CDH13: variants seen among roughly 807,000 people sequenced by gnomAD.
The protein encoded by CDH13 is cadherin 13, also known as cadherin-13.
In CDH13, 24 loss-of-function variants were observed where a neutral mutation model predicts 63.8. That is an observed-to-expected ratio of 0.38 (90% CI 0.27 to 0.53). The LOEUF (loss-of-function observed/expected upper bound fraction) is 0.53, where lower values mean the gene tolerates loss of function less well. Ranked by LOEUF, CDH13 falls within the 20% of genes least tolerant of loss-of-function variation. The pLI, the probability that CDH13 is intolerant of heterozygous loss-of-function variation, is 0.85. For missense variants in CDH13, 1,049 were observed against 903.1 expected, an observed-to-expected ratio of 1.16 and a Z score of -2.07; for synonymous variants, 503 against 355.3, an observed-to-expected ratio of 1.42 and a Z score of -4.67.
chr16:82,973,267 C>T (rs192527531), intron 2 of CDH13, among the ~76,000 whole-genome samples: 88 of 152,342 alleles, frequency 5.8e-4, no homozygotes, highest in Non-Finnish European at 9.4e-4. Context: ...GATGCTCAGA[C>T]GGTCTGCATC....
At chr16:83,266,833 G>T (rs1179939895) in intron 5 of CDH13, among the ~76,000 whole-genome samples, 1 of 152,098 alleles carries the variant, frequency 6.6e-6, no homozygotes, top group African/African-American at 2.4e-5. Context: ...TCTTGGTGAG[G>T]TCCACACTCT....
chr16:82,932,901 G>A (rs1202625493), intron 2 of CDH13, among the ~76,000 whole-genome samples: 2 of 152,206 alleles, frequency 1.3e-5, no homozygotes, highest in African/African-American at 2.4e-5. Flanking sequence ...AGTAGAGAAT[G>A]AAGTTTACTA....
chr16:83,284,996 G>C (rs1567563679), intron 5 of CDH13, among the ~76,000 whole-genome samples: 1 of 152,086 alleles, frequency 6.6e-6, no homozygotes, highest in Non-Finnish European at 1.5e-5. Context: ...CACTCTCCCT[G>C]CACAAATGTT....
intron 7 of CDH13, among the ~76,000 whole-genome samples, chr16:83,583,300 G>T (rs913058250): frequency 6.6e-6 from 1 of 152,174 alleles, no homozygotes; most frequent in East Asian, 1.9e-4. Context: ...GATCACATTC[G>T]CAGGTACTGG....
At chr16:83,687,756 G>C (rs1004018261) in intron 10 of CDH13, among the ~76,000 whole-genome samples, 1 of 152,212 alleles carries the variant, frequency 6.6e-6, no homozygotes, top group African/African-American at 2.4e-5. Flanking sequence ...AGGATGTGCA[G>C]GTCTCTCACA....
chr16:82,884,881 A>T (rs1298552313), intron 2 of CDH13, among the ~76,000 whole-genome samples: 1 of 152,206 alleles, frequency 6.6e-6, no homozygotes. Flanking sequence ...GGGAAAATCT[A>T]AAGTTGCGTC....
At chr16:82,919,232 G>C (rs1643173904) in intron 2 of CDH13, among the ~76,000 whole-genome samples, 1 of 152,112 alleles carries the variant, frequency 6.6e-6, no homozygotes, top group Admixed American at 6.5e-5. Flanking sequence ...TTTAGATTCA[G>C]GAGAATATAT....
intron 1 of CDH13, among the ~76,000 whole-genome samples, chr16:82,676,946 C>T (rs993139861): frequency 1.3e-5 from 2 of 152,110 alleles, no homozygotes; most frequent in Admixed American, 1.3e-4. Context: ...TGCAGTGGCG[C>T]AAGCTCAGCT....
intron 2 of CDH13, among the ~76,000 whole-genome samples, chr16:83,003,417 A>G (rs985145714): frequency 3.3e-5 from 5 of 151,862 alleles, no homozygotes; most frequent in Admixed American, 6.5e-5. Context: ...TATCTCAAAA[A>G]TCCAGGCTCA....
intron 1 of CDH13, among the ~76,000 whole-genome samples, chr16:82,781,531 A>C (rs150111476): frequency 7.9e-4 from 120 of 152,020 alleles, no homozygotes; most frequent in African/African-American, 2.6e-3. Flanking sequence ...CTATTCACCT[A>C]TCCATCCACC....
At chr16:83,324,282 G>A (rs945539389) in intron 5 of CDH13, among the ~76,000 whole-genome samples, 4 of 152,078 alleles carry the variant, frequency 2.6e-5, no homozygotes, top group Admixed American at 6.5e-5. Context: ...TGATGCACCC[G>A]CCTCGGCCTT....
chr16:83,376,422 C>G (rs1305542322), intron 6 of CDH13, among the ~76,000 whole-genome samples: 1 of 152,084 alleles, frequency 6.6e-6, no homozygotes, highest in African/African-American at 2.4e-5. Context: ...AAGGAGAATG[C>G]TGATATCAAG....
chr16:83,676,550 T>G (rs555073182), intron 9 of CDH13, among the ~76,000 whole-genome samples: 14 of 152,338 alleles, frequency 9.2e-5, no homozygotes, highest in African/African-American at 3.4e-4. Flanking sequence ...AGAGATCCAT[T>G]ATTAGGATCC....
rs1049153596 is a variant in CDH13 at position 83,342,707 on chromosome 16, A to G, written c.637-2155A>G. Among the ~76,000 whole-genome samples, 7 of 152,202 alleles carry G rather than the reference A, an allele frequency of 4.6e-5. No homozygotes were observed. In the East Asian group the frequency reaches 5.8e-4, roughly 13 times the overall value. ...CCCTTCCCAGTTTCAGCATATTTGA[A>G]TATTTGGCAAATGTGAATTCTGATT... is the stretch of plus-strand genomic sequence containing the variant. On this transcript the variant is annotated intron_variant, in intron 5 of 13. Coordinates refer to ENST00000567109, the MANE Select transcript of CDH13 (RefSeq NM_001257.5).
At chr16:82,668,709 G>A (rs113412462) in intron 1 of CDH13, among the ~76,000 whole-genome samples, 141 of 152,260 alleles carry the variant, frequency 9.3e-4, no homozygotes, top group African/African-American at 3.3e-3. Context: ...CTAAAGTTTG[G>A]GAATGACTGT....
chr16:82,776,071 A>G (rs921081150), intron 1 of CDH13, among the ~76,000 whole-genome samples: 1 of 152,096 alleles, frequency 6.6e-6, no homozygotes, highest in African/African-American at 2.4e-5. Context: ...TTAGCTGAGG[A>G]CAGTGGTGCA....
chr16:82,688,293 A>C (rs1319419152), intron 1 of CDH13, among the ~76,000 whole-genome samples: 1 of 152,128 alleles, frequency 6.6e-6, no homozygotes, highest in Non-Finnish European at 1.5e-5. Context: ...CTGATCTACA[A>C]ATCTAAGCCC....
chr16:83,337,621 ATTTTTTTTTT>A (rs66957563), intron 5 of CDH13, among the ~76,000 whole-genome samples: 3 of 52,248 alleles, frequency 5.7e-5, no homozygotes, highest in African/African-American at 1.6e-4. Context: ...TGACAAGCGT[ATTTTTTTTTT>A]TTTTTTTTTT....
chr16:83,128,740 A>G (rs967478065), intron 4 of CDH13, among the ~76,000 whole-genome samples: 2 of 152,192 alleles, frequency 1.3e-5, no homozygotes, highest in Admixed American at 6.5e-5. Flanking sequence ...GCATGCAGCT[A>G]ATTGGGAACA....
Sources: allele counts gnomAD v4.1 joint callset (sites outside exome capture counted in the v4.1 genomes callset), GRCh38; gene constraint gnomAD v4.1.1; transcripts MANE v1.5; gene names NCBI Gene and HGNC (gene_info 2026-07-23, HGNC 2026-07-21).